Variants in RPS6KC1 observed in about 807,000 individuals in gnomAD.
RPS6KC1 encodes ribosomal protein S6 kinase C1.
A neutral mutation model predicts 103.8 loss-of-function variants in RPS6KC1; 54 were observed. The ratio of observed to expected loss-of-function variants is 0.52; its 90% confidence interval spans 0.42 to 0.65. The LOEUF (loss-of-function observed/expected upper bound fraction) is 0.65. RPS6KC1 is among the 30% of genes least tolerant of loss of function. The pLI is 0.00. For synonymous variants in RPS6KC1, 439 were observed against 438.7 expected, an observed-to-expected ratio of 1.00 and a Z score of -0.01; for missense variants, 1,151 against 1,253.8, an observed-to-expected ratio of 0.92 and a Z score of 1.24.
chr1:213,771,130 T>TGTTG, the RPS6KC1 span, among the ~76,000 whole-genome samples: 1 of 151,886 alleles, frequency 6.6e-6, no homozygotes, highest in Non-Finnish European at 1.5e-5. Flanking sequence ...CTCCTTTGTT[T>TGTTG]GTTTGTTTGT....
the RPS6KC1 span, among the ~76,000 whole-genome samples, chr1:213,319,480 G>A: frequency 6.4e-4 from 97 of 152,218 alleles, no homozygotes; most frequent in African/African-American, 2.3e-3. Flanking sequence ...CCTGATGTGC[G>A]GTCAGCTCTC....
the RPS6KC1 span, among the ~76,000 whole-genome samples, chr1:213,390,454 A>G: frequency 1.3e-5 from 2 of 152,260 alleles, no homozygotes; most frequent in Non-Finnish European, 2.9e-5. Flanking sequence ...CTGGGGCTAT[A>G]AAAGCTGCTA....
chr1:213,456,834 T>C, the RPS6KC1 span, among the ~76,000 whole-genome samples: 1 of 152,212 alleles, frequency 6.6e-6, no homozygotes, highest in East Asian at 1.9e-4. Context: ...CTACCCCTTG[T>C]CCCACAACTG....
chr1:213,598,624 T>A, the RPS6KC1 span, among the ~76,000 whole-genome samples: 17 of 152,196 alleles, frequency 1.1e-4, no homozygotes, highest in East Asian at 3.3e-3. Context: ...ATGTATAAAA[T>A]ACATTATTTT....
the RPS6KC1 span, among the ~76,000 whole-genome samples, chr1:213,505,473 T>C: frequency 2.6e-5 from 4 of 152,198 alleles, no homozygotes; most frequent in Non-Finnish European, 5.9e-5. Context: ...GCTTAATCTC[T>C]CTGTGCCTCT....
At chr1:213,861,510 GC>G in the RPS6KC1 span, among the ~76,000 whole-genome samples, 1 of 152,194 alleles carries the variant, frequency 6.6e-6, no homozygotes, top group Non-Finnish European at 1.5e-5. Context: ...CTTTTCAGTA[GC>G]CTGAGAAAGA....
chr1:213,428,801 A>T, the RPS6KC1 span: 1 of 152,656 alleles, frequency 6.6e-6, no homozygotes, highest in Non-Finnish European at 1.5e-5. Flanking sequence ...CATCTTCGTT[A>T]TATTTTCTGG....
At chr1:213,365,995 AG>A in the RPS6KC1 span, among the ~76,000 whole-genome samples, 15 of 152,364 alleles carry the variant, frequency 9.8e-5, no homozygotes, top group East Asian at 2.9e-3. Flanking sequence ...TTGGTCTCAA[AG>A]GGTAGGGAAT....
the RPS6KC1 span, among the ~76,000 whole-genome samples, chr1:213,606,348 C>T: frequency 3.3e-5 from 5 of 152,188 alleles, no homozygotes; most frequent in East Asian, 7.7e-4. Context: ...GCCCTGCTGG[C>T]CCCAAAGCTG....
At chr1:213,278,162 A>G (rs2095115724), downstream of RPS6KC1, among the ~76,000 whole-genome samples, 1 of 151,888 alleles carries the variant, frequency 6.6e-6, no homozygotes, top group African/African-American at 2.4e-5. Flanking sequence ...CCACGATCAC[A>G]CCACTGTACT....
chr1:213,646,692 C>T, the RPS6KC1 span, among the ~76,000 whole-genome samples: 1 of 151,872 alleles, frequency 6.6e-6, no homozygotes, highest in Non-Finnish European at 1.5e-5. Context: ...GATGAAGGAA[C>T]AAGAGGGAGG....
the RPS6KC1 span, among the ~76,000 whole-genome samples, chr1:213,287,573 GA>G: frequency 6.6e-6 from 1 of 151,802 alleles, no homozygotes; most frequent in Non-Finnish European, 1.5e-5. Context: ...TCAAGGAAAG[GA>G]TTTTTTTTTG....
At chr1:213,828,156 A>G in the RPS6KC1 span, among the ~76,000 whole-genome samples, 1 of 152,186 alleles carries the variant, frequency 6.6e-6, no homozygotes, top group Non-Finnish European at 1.5e-5. Context: ...CTCTATAGAC[A>G]GGGAACTGAA....
At chr1:213,171,364 T>C (rs1558470728) in intron 7 of RPS6KC1, among the ~76,000 whole-genome samples, 1 of 151,852 alleles carries the variant, frequency 6.6e-6, no homozygotes, top group African/African-American at 2.4e-5. Context: ...TTTTTTTTTT[T>C]CAAATAAATC....
At chr1:213,666,616 G>A in the RPS6KC1 span, among the ~76,000 whole-genome samples, 2 of 152,138 alleles carry the variant, frequency 1.3e-5, no homozygotes, top group Non-Finnish European at 2.9e-5. Flanking sequence ...ATTTTGTCAA[G>A]TTACAATGTA....
chr1:213,349,423 A>G, the RPS6KC1 span, among the ~76,000 whole-genome samples: 1 of 152,148 alleles, frequency 6.6e-6, no homozygotes, highest in African/African-American at 2.4e-5. Flanking sequence ...TTTAGGCTAT[A>G]TGATATGATA....
the RPS6KC1 span, among the ~76,000 whole-genome samples, chr1:213,522,734 G>C: frequency 1.3e-5 from 2 of 152,150 alleles, no homozygotes; most frequent in Non-Finnish European, 2.9e-5. Context: ...TTCTTCTAGA[G>C]CTTCCTCACC....
chr1:213,486,987 A>C, the RPS6KC1 span, among the ~76,000 whole-genome samples: 1 of 152,220 alleles, frequency 6.6e-6, no homozygotes, highest in African/African-American at 2.4e-5. Context: ...TTCTAGCTAC[A>C]TCTGGTCAAT....
chr1:213,849,251 G>A, the RPS6KC1 span, among the ~76,000 whole-genome samples: 3 of 152,154 alleles, frequency 2.0e-5, no homozygotes, highest in Admixed American at 6.5e-5. Flanking sequence ...TGACAGACAG[G>A]AGCAATGGAG....
Sources: allele counts gnomAD v4.1 joint callset (sites outside exome capture counted in the v4.1 genomes callset), GRCh38; gene constraint gnomAD v4.1.1; transcripts MANE v1.5; gene names NCBI Gene and HGNC (gene_info 2026-07-23, HGNC 2026-07-21).